The following WNT3 variants were observed in gnomAD, a reference collection of about 807,000 sequenced individuals.
The protein encoded by WNT3 is Wnt family member 3.
A neutral mutation model predicts 34.2 loss-of-function variants in WNT3; 7 were observed. That is an observed-to-expected ratio of 0.20 (90% CI 0.12 to 0.38). WNT3 has a LOEUF of 0.38. WNT3 is among the 10% of genes least tolerant of loss of function. WNT3 has a pLI of 1.00. For synonymous variants in WNT3, 212 were observed against 211.5 expected, an observed-to-expected ratio of 1.00 and a Z score of -0.02; for missense variants, 267 against 499.8, an observed-to-expected ratio of 0.53 and a Z score of 4.44.
At chr17:46,813,095 G>A (rs1032996190) in intron 1 of WNT3, among the ~76,000 whole-genome samples, 46 of 152,004 alleles carry the variant, frequency 3.0e-4, no homozygotes, top group South Asian at 4.2e-4. Context: ...TGGCAGGAGT[G>A]GGGCAGCCAG....
chr17:46,806,214 T>TCC, intron 1 of WNT3, among the ~76,000 whole-genome samples: 2 of 144,888 alleles, frequency 1.4e-5, no homozygotes, highest in African/African-American at 5.1e-5. Flanking sequence ...TTCCTTTTTT[T>TCC]TTTTTTTTTT....
At chr17:46,782,034 A>C (rs1335183320) in intron 1 of WNT3, among the ~76,000 whole-genome samples, 2 of 152,202 alleles carry the variant, frequency 1.3e-5, no homozygotes, top group Admixed American at 1.3e-4. Context: ...ACCTGGCTTC[A>C]CATGGGTGGA....
chr17:46,815,601 T>C (rs2084331203), intron 1 of WNT3, among the ~76,000 whole-genome samples: 1 of 151,912 alleles, frequency 6.6e-6, no homozygotes, highest in East Asian at 2.0e-4. Flanking sequence ...CAGAGGCCCA[T>C]CTACCCTACA....
chr17:46,780,122 C>T (rs867937487), intron 1 of WNT3, among the ~76,000 whole-genome samples: 2 of 152,252 alleles, frequency 1.3e-5, no homozygotes, highest in South Asian at 4.1e-4. Flanking sequence ...GCTGCATTGA[C>T]TTACGCACCT....
At chr17:46,773,285 C>T (rs2059389039) in intron 2 of WNT3, among the ~76,000 whole-genome samples, 1 of 152,146 alleles carries the variant, frequency 6.6e-6, no homozygotes, top group African/African-American at 2.4e-5. Context: ...CTACTGAGGA[C>T]TTTCTAGATG....
At chr17:46,767,878 G>A (rs755160085) in intron 4 of WNT3, among the ~76,000 whole-genome samples, 15 of 151,968 alleles carry the variant, frequency 9.9e-5, no homozygotes, top group African/African-American at 3.1e-4. Context: ...AACCTCTGTC[G>A]CCCAGGTTCA....
rs905346774 is a variant in WNT3 at position 46,805,311 on chromosome 17, G to C, written c.80+13207C>G. Among the ~76,000 whole-genome samples, 7 of 152,104 alleles carry C rather than the reference G, an allele frequency of 4.6e-5. No individual in the cohort carries two copies. In the East Asian group the frequency reaches 1.2e-3, roughly 25 times the overall value. ...AAAAAGGCTGGGCACAGTGGCTCAC[G>C]CCTGTAATCCCAGCATTTTGGGAGG... On this transcript the variant is annotated intron_variant, in intron 1 of 4. Coordinates refer to ENST00000225512, the MANE Select transcript of WNT3 (RefSeq NM_030753.5).
chr17:46,815,418 T>C (rs1363043215), intron 1 of WNT3, among the ~76,000 whole-genome samples: 3 of 152,106 alleles, frequency 2.0e-5, no homozygotes, highest in Non-Finnish European at 4.4e-5. Flanking sequence ...AGGGTCCGCG[T>C]GGACAGAAAT....
chr17:46,817,840 A>AC (rs1357016460), intron 1 of WNT3, among the ~76,000 whole-genome samples: 1 of 150,890 alleles, frequency 6.6e-6, no homozygotes, highest in Non-Finnish European at 1.5e-5. Flanking sequence ...TTTTCAAGGA[A>AC]CCCCCCTTTT....
chr17:46,785,725 G>A (rs1261591042), intron 1 of WNT3, among the ~76,000 whole-genome samples: 4 of 152,194 alleles, frequency 2.6e-5, no homozygotes, highest in Non-Finnish European at 2.9e-5. Context: ...GAAAGGGTGC[G>A]GGCAGGAGCT....
Position 46,763,840 on chromosome 17 carries a change from A to AAC in WNT3, c.*789_*790insGT, listed in dbSNP as rs1555681428. The AAC allele has an allele frequency of 7.8e-6, 1 of 128,244 alleles. No individual in the cohort carries two copies. Among genetic ancestry groups the AAC allele is most frequent in the African/African-American group, 2.9e-5 (1 of 34,602 alleles). The allele number at this position is 128,244 out of a possible 1,614,324, so 7.9% of individuals were successfully genotyped here. On this transcript the variant is annotated 3_prime_UTR_variant, in exon 5 of 5. Transcript: ENST00000225512. ...CAAGGTCCACTACCACCAAAAAAAA[A>AAC]AAAAAACAAAAAAACAAAAAAAAAA...
At chr17:46,799,077 G>A (rs2084091379) in intron 1 of WNT3, among the ~76,000 whole-genome samples, 1 of 150,038 alleles carries the variant, frequency 6.7e-6, no homozygotes, top group Non-Finnish European at 1.5e-5. Context: ...ATCCCTGATA[G>A]CTAACCACAT....
chr17:46,798,134 GGCCA>G (rs2084077908), intron 1 of WNT3, among the ~76,000 whole-genome samples: 1 of 152,182 alleles, frequency 6.6e-6, no homozygotes, highest in South Asian at 2.1e-4. Flanking sequence ...TCACCATGTT[GGCCA>G]GGCTGGTCTC....
At chr17:46,767,529 C>T (rs915168709) in intron 4 of WNT3, among the ~76,000 whole-genome samples, 1 of 152,070 alleles carries the variant, frequency 6.6e-6, no homozygotes, top group African/African-American at 2.4e-5. Context: ...TTAAACTGCC[C>T]CCTGCCCTTC....
In WNT3 at chr17:46,768,810, G is replaced by A. The variant is rs770822140; in HGVS notation, c.589-11C>T. 3.1e-6 allele frequency: 5 copies of A among 1,611,482 alleles called. No homozygotes were observed. The highest frequency in any genetic ancestry group is 1.3e-5 in the African/African-American group (1 of 74,910). ...GTGGTCCAGGATAGTCTGGGGGAGA[G>A]AAGTGGCAGCTGGCCAACAGACCGA... On this transcript the variant is annotated splice_polypyrimidine_tract_variant and intron_variant, in intron 3 of 4. Transcript: ENST00000225512. This position sits in a 1 kb window ranked among gnomAD's most constrained non-coding sequence, Gnocchi z 5.0.
At chr17:46,798,695 C>T (rs1488792729) in intron 1 of WNT3, among the ~76,000 whole-genome samples, 1 of 152,164 alleles carries the variant, frequency 6.6e-6, no homozygotes, top group Non-Finnish European at 1.5e-5. Context: ...ACAGCCAGTG[C>T]CTCAGCCATT....
intron 1 of WNT3, among the ~76,000 whole-genome samples, chr17:46,785,056 C>A (rs549401117): frequency 1.3e-5 from 2 of 152,114 alleles, no homozygotes; most frequent in Non-Finnish European, 2.9e-5. Context: ...GGATTACAGG[C>A]GTGAGCCACC....
intron 1 of WNT3, among the ~76,000 whole-genome samples, chr17:46,792,926 G>A (rs578250241): frequency 9.2e-4 from 140 of 152,030 alleles, no homozygotes; most frequent in African/African-American, 3.1e-3. Context: ...CAAGTGACTC[G>A]TCTAAAGTCA....
chr17:46,804,835 G>A (rs911182931), intron 1 of WNT3, among the ~76,000 whole-genome samples: 2 of 152,160 alleles, frequency 1.3e-5, no homozygotes, highest in African/African-American at 4.8e-5. Context: ...TTTGTAAAAT[G>A]GACCAATCAG....
Sources: gnomAD v4.1 joint callset for allele counts (sites outside exome capture counted in the v4.1 genomes callset) on GRCh38, gnomAD v4.1.1 for gene constraint, Gnocchi (gnomAD v3.1) non-coding constraint, MANE v1.5 for transcripts, NCBI Gene and HGNC (gene_info 2026-07-23, HGNC 2026-07-21) for gene names.